Variants in FBXL13 observed in about 807,000 individuals in gnomAD.
FBXL13 encodes F-box and leucine rich repeat protein 13, also known as F-box and leucine-rich repeat protein 13.
In FBXL13, 67 loss-of-function variants were observed where a neutral mutation model predicts 83.6. The observed-to-expected ratio is 0.80, with a 90% CI of 0.66 to 0.98. The LOEUF (loss-of-function observed/expected upper bound fraction) is 0.98. FBXL13 is among the 50% of genes least tolerant of loss of function. The pLI, the probability that FBXL13 is intolerant of heterozygous loss-of-function variation, is 0.00. For missense variants in FBXL13, 822 were observed against 866.5 expected, an observed-to-expected ratio of 0.95 and a Z score of 0.64; for synonymous variants, 272 against 299.5, an observed-to-expected ratio of 0.91 and a Z score of 0.95.
intron 7 of FBXL13, 39 bp from the exon 9 acceptor site, chr7:102,963,704 G>T: frequency 1.4e-6 from 2 of 1,478,812 alleles, no homozygotes; most frequent in Non-Finnish European, 9.1e-7. Context: ...AAATGAGAAA[G>T]TCCCCAAAAA....
intron 8 of FBXL13, among the ~76,000 whole-genome samples, chr7:102,948,415 T>C (rs1822878474): frequency 6.6e-6 from 1 of 151,988 alleles, no homozygotes; most frequent in South Asian, 2.1e-4. Context: ...ATCTGCCTTT[T>C]AAGGATTTAT....
exon 16 of FBXL13, chr7:102,877,521 T>G (rs1394219018): frequency 6.2e-7 from 1 of 1,611,256 alleles, no homozygotes; most frequent in Admixed American, 1.7e-5. Context: ...AAAAGATGTT[T>G]ACAATATATC....
chr7:102,997,327 A>G (rs987997425), intron 6 of FBXL13, among the ~76,000 whole-genome samples: 1 of 152,232 alleles, frequency 6.6e-6, no homozygotes, highest in Non-Finnish European at 1.5e-5. Flanking sequence ...TTTTGAGGGT[A>G]CACGTGATAT....
At chr7:102,962,617 T>C (rs1825409513) in intron 8 of FBXL13, among the ~76,000 whole-genome samples, 1 of 151,792 alleles carries the variant, frequency 6.6e-6, no homozygotes, top group African/African-American at 2.4e-5. Context: ...ATTAAGAAAA[T>C]GTGGCACATA....
intron 6 of FBXL13, among the ~76,000 whole-genome samples, chr7:103,017,537 G>T (rs1189649720): frequency 2.6e-5 from 4 of 152,308 alleles, no homozygotes; most frequent in African/African-American, 9.6e-5. Flanking sequence ...AAGCTAAAGA[G>T]GAAGTTCGAA....
chr7:103,037,839 G>A (rs569727392), intron 2 of FBXL13, among the ~76,000 whole-genome samples: 3 of 152,152 alleles, frequency 2.0e-5, no homozygotes, highest in Admixed American at 2.0e-4. Flanking sequence ...CTTCCAAGAT[G>A]GCCGAATAGA....
chr7:102,814,113 A>G (rs1021801180), intron 19 of FBXL13, among the ~76,000 whole-genome samples: 1 of 152,232 alleles, frequency 6.6e-6, no homozygotes, highest in Admixed American at 6.5e-5. Context: ...AGCAGGAAAC[A>G]AGAAAGTAAA....
rs746300958 is a variant in FBXL13 at position 102,939,365 on chromosome 7, T to C, written c.725-7432A>G. 100 of 1,374,642 alleles carry C rather than the reference T, an allele frequency of 7.3e-5. 1 individual carries two copies. The highest frequency in any genetic ancestry group is 9.7e-5 in the Non-Finnish European group (96 of 990,786). The allele number at this position is 1,374,642 out of a possible 1,614,324, so 85.2% of individuals were successfully genotyped here. The stretch of plus-strand genomic sequence containing the variant: ...AGCTGATTCTTCAATCACACAGATA[T>C]AACGGTGACCGAGGAAATGGGGGCA... On this transcript the variant is annotated intron_variant, in intron 8 of 19. Transcript: ENST00000313221.
exon 15 of FBXL13, chr7:102,878,347 T>C (rs750444110): frequency 6.2e-7 from 1 of 1,605,998 alleles, no homozygotes; most frequent in South Asian, 1.1e-5. Context: ...GATAGTTTCA[T>C]AACAGAGGCA....
At chr7:103,074,692 G>A (rs1478221460), upstream of FBXL13, 1 of 1,289,548 alleles carries the variant, frequency 7.8e-7, no homozygotes, top group Non-Finnish European at 1.0e-6. Flanking sequence ...CGCGTGTCCA[G>A]TACCTCGCAG....
At chr7:102,967,664 T>G (rs1050819667) in intron 7 of FBXL13, among the ~76,000 whole-genome samples, 6 of 152,180 alleles carry the variant, frequency 3.9e-5, no homozygotes, top group Admixed American at 2.6e-4. Flanking sequence ...ATCTTTCCCA[T>G]GGTCATGGAC....
chr7:103,007,902 C>T (rs1267746365), intron 6 of FBXL13, among the ~76,000 whole-genome samples: 4 of 152,106 alleles, frequency 2.6e-5, no homozygotes, highest in East Asian at 3.9e-4. Context: ...CACAGGGTTT[C>T]GAGCTCAAGA....
At chr7:103,033,843 C>T (rs1794782630) in intron 2 of FBXL13, among the ~76,000 whole-genome samples, 1 of 152,180 alleles carries the variant, frequency 6.6e-6, no homozygotes, top group Admixed American at 6.5e-5. Flanking sequence ...GCCCCACCCA[C>T]ATCCTGCTGA....
chr7:102,976,154 C>G (rs1563176200), intron 6 of FBXL13: 2 of 766,438 alleles, frequency 2.6e-6, no homozygotes, highest in Admixed American at 1.7e-5. Context: ...CCGCTGAAGA[C>G]TGATAGTGCC....
intron 7 of FBXL13, among the ~76,000 whole-genome samples, chr7:102,967,380 C>T (rs1826090587): frequency 6.6e-6 from 1 of 152,080 alleles, no homozygotes; most frequent in African/African-American, 2.4e-5. Flanking sequence ...TCAAGCAATT[C>T]TCCTGACTCA....
At chr7:103,057,040 T>C (rs1350124729) in intron 1 of FBXL13, among the ~76,000 whole-genome samples, 1 of 152,182 alleles carries the variant, frequency 6.6e-6, no homozygotes, top group Non-Finnish European at 1.5e-5. Context: ...GAGTTCTTTA[T>C]AGATTCTGGA....
chr7:103,035,590 T>C (rs1325929986), intron 2 of FBXL13, among the ~76,000 whole-genome samples: 1 of 152,186 alleles, frequency 6.6e-6, no homozygotes, highest in East Asian at 1.9e-4. Context: ...CCATTTACTA[T>C]ATGTAAAAAA....
At chr7:102,854,693 T>C in intron 17 of FBXL13, 84 bp downstream of exon 18, 2 of 786,918 alleles carry the variant, frequency 2.5e-6, no homozygotes, top group Non-Finnish European at 3.9e-6. Flanking sequence ...TCAATAAAAA[T>C]AGTCCTTTTT....
rs563726626 is a variant in FBXL13 at position 103,003,278 on chromosome 7, G to GTTTTTT, written c.495+21779_495+21784dup. On this transcript the variant is annotated intron_variant, in intron 6 of 19. Coordinates refer to ENST00000313221, the Ensembl canonical transcript of FBXL13. Reference sequence around the variant, plus strand: ...TTGTTGTTGTTGTTGTTGTTTTGGGGTTTTTTTTTTTTTTTTTTTTTTTTT... The same window carrying GTTTTTT: ...TTGTTGTTGTTGTTGTTGTTTTGGGGTTTTTTTTTTTTTTTTTTTTTTTTTTTTTTT... 1.8e-4 allele frequency among the ~76,000 whole-genome samples: 14 copies of GTTTTTT among 75,924 alleles called. 1 individual carries two copies. The highest frequency in any genetic ancestry group is 5.9e-4 in the African/African-American group (9 of 15,382). The allele number at this position is 75,924 out of a possible 152,430, so 49.8% of individuals were successfully genotyped here. A position where few individuals can be genotyped will look rare whatever the true frequency, so the allele number is the denominator to read the frequency against.
Sources: gnomAD v4.1 joint callset for allele counts (sites outside exome capture counted in the v4.1 genomes callset) on GRCh38, gnomAD v4.1.1 for gene constraint, MANE v1.5 for transcripts, NCBI Gene and HGNC (gene_info 2026-07-23, HGNC 2026-07-21) for gene names.